Variants in PCDH15 observed in about 807,000 individuals in gnomAD.
PCDH15 encodes protocadherin related 15.
PCDH15 carries 129 observed loss-of-function variants against 178.5 expected under a neutral mutation model. The observed-to-expected ratio is 0.72, with a 90% CI of 0.63 to 0.84. PCDH15 has a LOEUF of 0.84. Among genes scored for constraint, PCDH15 ranks in the 40% least tolerant of loss-of-function variants. PCDH15 has a pLI of 0.00. For missense variants in PCDH15, 2,230 were observed against 2,099.9 expected (o/e 1.06, Z -1.21); for synonymous variants, 800 against 732.0 (o/e 1.09, Z -1.50).
chr10:54,141,384 T>C (rs944408280), intron 14 of PCDH15, among the ~76,000 whole-genome samples: 1 of 152,176 alleles, frequency 6.6e-6, no homozygotes, highest in Non-Finnish European at 1.5e-5. Flanking sequence ...GACTTATTTT[T>C]ATGAGTTCTA....
At chr10:55,208,068 T>C (rs1840455232) in intron 1 of PCDH15, among the ~76,000 whole-genome samples, 1 of 152,180 alleles carries the variant, frequency 6.6e-6, no homozygotes, top group East Asian at 1.9e-4. Context: ...TTGAATATTC[T>C]ATAATTTCAC....
At chr10:54,517,980 GA>G (rs1324307247) in intron 3 of PCDH15, among the ~76,000 whole-genome samples, 1 of 152,168 alleles carries the variant, frequency 6.6e-6, no homozygotes, top group Non-Finnish European at 1.5e-5. Context: ...ATAATGAAAT[GA>G]AGGCAGAAAT....
chr10:54,698,542 G>A (rs1376380369), intron 1 of PCDH15, among the ~76,000 whole-genome samples: 1 of 152,106 alleles, frequency 6.6e-6, no homozygotes, highest in Non-Finnish European at 1.5e-5. Flanking sequence ...TCATTCATGT[G>A]GTAGTGCAAA....
chr10:55,315,334 C>T (rs917641551), intron 1 of PCDH15, among the ~76,000 whole-genome samples: 6 of 151,926 alleles, frequency 3.9e-5, no homozygotes, highest in South Asian at 4.2e-4. Flanking sequence ...TGCAACAACA[C>T]GGAAAAGGGT....
intron 2 of PCDH15, among the ~76,000 whole-genome samples, chr10:54,915,760 A>T (rs1029050666): frequency 1.3e-5 from 2 of 152,176 alleles, no homozygotes; most frequent in Admixed American, 1.3e-4. Flanking sequence ...TTTCATTCCC[A>T]TTCTGTAAGA....
intron 2 of PCDH15, among the ~76,000 whole-genome samples, chr10:55,456,163 T>C (rs1839547101): frequency 6.6e-6 from 1 of 152,054 alleles, no homozygotes; most frequent in Non-Finnish European, 1.5e-5. Context: ...GCAAAATACA[T>C]AATAGCATCT....
At chr10:55,252,273 C>A (rs762751188) in intron 1 of PCDH15, among the ~76,000 whole-genome samples, 30 of 152,056 alleles carry the variant, frequency 2.0e-4, no homozygotes, top group South Asian at 8.3e-4. Flanking sequence ...ACAGATTACA[C>A]CCTACCCAAA....
At chr10:54,399,849 T>C (rs1231530855) in intron 3 of PCDH15, among the ~76,000 whole-genome samples, 1 of 152,200 alleles carries the variant, frequency 6.6e-6, no homozygotes, top group Non-Finnish European at 1.5e-5. Flanking sequence ...CTATCCAAAT[T>C]TGGAGGTCTC....
At chr10:54,188,839 C>T (rs1250082476) in intron 11 of PCDH15, among the ~76,000 whole-genome samples, 1 of 151,782 alleles carries the variant, frequency 6.6e-6, no homozygotes, top group Non-Finnish European at 1.5e-5. Context: ...ACAACACAGA[C>T]ATGTATAGAC....
intron 2 of PCDH15, among the ~76,000 whole-genome samples, chr10:55,136,315 C>G (rs2132083154): frequency 6.6e-6 from 1 of 152,012 alleles, no homozygotes; most frequent in South Asian, 2.1e-4. Context: ...GGATTAACAC[C>G]AAGTTTCTTT....
chr10:53,946,691 A>G (rs1181620169), intron 23 of PCDH15, among the ~76,000 whole-genome samples: 1 of 152,252 alleles, frequency 6.6e-6, no homozygotes. Flanking sequence ...TGCAGATTAA[A>G]TGCAAACCGA....
At chr10:54,516,431 G>A (rs1341332177) in intron 3 of PCDH15, among the ~76,000 whole-genome samples, 24 of 152,084 alleles carry the variant, frequency 1.6e-4, no homozygotes, top group Middle Eastern at 3.4e-3. Context: ...CTCAGGAGCC[G>A]ATGAGATCAA....
rs182609162 is a variant in PCDH15, at chr10:54,367,747, G to A, written c.474+1373C>T. Among the ~76,000 whole-genome samples the A allele has an allele frequency of 3.9e-4, 59 of 151,710 alleles. 1 individual carries two copies. The East Asian group carries it at 0.011, about 29-fold the overall frequency. On this transcript the variant is annotated intron_variant, in intron 5 of 37. Transcript: ENST00000644397. ...GGTGCAGCAAACCACCATGGCACGT[G>A]TATACCTATGTAACAAACCTGCACA...
At chr10:55,534,843 G>T (rs1410320933) in intron 2 of PCDH15, among the ~76,000 whole-genome samples, 1 of 151,988 alleles carries the variant, frequency 6.6e-6, no homozygotes, top group African/African-American at 2.4e-5. Context: ...ATTGGATAAA[G>T]AAAATGTGTT....
rs1953833081 is a variant in PCDH15 at position 54,861,045 on chromosome 10, G to C, written c.-29+36405C>G. Among the ~76,000 whole-genome samples the C allele has an allele frequency of 7.9e-5, 12 of 152,166 alleles. No individual in the cohort carries two copies. In the South Asian group the frequency reaches 2.5e-3, roughly 32 times the overall value. On this transcript the variant is annotated intron_variant, in intron 3 of 5. Coordinates refer to the PCDH15 transcript ENST00000458638. The stretch of plus-strand genomic sequence containing the variant: ...TCATTTATTTTATAATACTCATTGA[G>C]AACTCTGTTTCTCTTCTCTTTAATC...
chr10:54,177,922 T>G (rs1274249114), intron 13 of PCDH15, among the ~76,000 whole-genome samples: 1 of 152,220 alleles, frequency 6.6e-6, no homozygotes, highest in Non-Finnish European at 1.5e-5. Context: ...ATATCTGGAA[T>G]GTCAGCTTGC....
intron 3 of PCDH15, among the ~76,000 whole-genome samples, chr10:54,812,702 C>T (rs1952884604): frequency 6.6e-6 from 1 of 152,094 alleles, no homozygotes. Flanking sequence ...CATGATCCGC[C>T]TGCCTCGGCC....
chr10:54,033,989 C>T (rs1210058178), intron 18 of PCDH15, among the ~76,000 whole-genome samples: 1 of 151,744 alleles, frequency 6.6e-6, no homozygotes, highest in Non-Finnish European at 1.5e-5. Flanking sequence ...ATTACATTGT[C>T]TCACAAATCA....
intron 2 of PCDH15, among the ~76,000 whole-genome samples, chr10:55,404,898 A>T (rs1320245462): frequency 1.3e-5 from 2 of 152,072 alleles, no homozygotes; most frequent in East Asian, 3.9e-4. Context: ...AAGTGAACCA[A>T]ATATCATCAA....
Sources: gnomAD v4.1 joint callset for allele counts (sites outside exome capture counted in the v4.1 genomes callset) on GRCh38, gnomAD v4.1.1 for gene constraint, MANE v1.5 for transcripts, NCBI Gene and HGNC (gene_info 2026-07-23, HGNC 2026-07-21) for gene names.